The following ADAM19 variants were observed in gnomAD, a reference collection of about 807,000 sequenced individuals.
ADAM19 encodes the protein ADAM metallopeptidase domain 19, also known as disintegrin and metalloproteinase domain-containing protein 19.
Under a neutral mutation model 114.7 loss-of-function variants are expected in ADAM19, and 65 were observed. The observed-to-expected ratio is 0.57, with a 90% CI of 0.46 to 0.70. The LOEUF is 0.70. Among genes scored for constraint, ADAM19 ranks in the 30% least tolerant of loss-of-function variants. The probability of loss-of-function intolerance (pLI) is 0.00; values close to 1 mark genes in which losing one functional copy is unlikely to be tolerated. For missense variants in ADAM19, 1,063 were observed against 1,204.7 expected, an observed-to-expected ratio of 0.88 and a Z score of 1.74; for synonymous variants, 466 against 460.5, an observed-to-expected ratio of 1.01 and a Z score of -0.15.
chr5:157,549,271 TA>T (rs1286683658), intron 3 of ADAM19, among the ~76,000 whole-genome samples: 1 of 152,124 alleles, frequency 6.6e-6, no homozygotes, highest in Non-Finnish European at 1.5e-5. Context: ...ATGGGAGAAT[TA>T]AAATATTGAG....
intron 10 of ADAM19, 89 bp from the exon 11 acceptor site, chr5:157,505,897 A>G: frequency 1.4e-6 from 2 of 1,449,120 alleles, no homozygotes; most frequent in East Asian, 2.5e-5. Context: ...CAAGTCTTGC[A>G]GGTCTCCACC....
Position 157,477,686 on chromosome 5 carries a change from T to G in ADAM19, c.*3263A>C, listed in dbSNP as rs1321623542. 1 of 1,289,682 alleles carries G rather than the reference T, an allele frequency of 7.8e-7. No homozygotes were observed. The highest frequency in any genetic ancestry group is 2.3e-5 in the Admixed American group (1 of 43,540). 79.9% of individuals were successfully genotyped at this position (1,289,682 alleles called of 1,614,324 possible). Reference sequence around the variant, plus strand: ...TTATACACGTGGTTAACACAATTACTGACTTTGGAACTGGTCCCCAGTTTT... The same window carrying G: ...TTATACACGTGGTTAACACAATTACGGACTTTGGAACTGGTCCCCAGTTTT... On this transcript the variant is annotated 3_prime_UTR_variant, in exon 23 of 23. Coordinates refer to ENST00000257527, the MANE Select transcript of ADAM19 (RefSeq NM_033274.5).
chr5:157,481,425 T>C, intron 22 of ADAM19: 1 of 655,452 alleles, frequency 1.5e-6, no homozygotes, highest in Non-Finnish European at 2.6e-6. Context: ...AGGTGGCTTC[T>C]ACTAATGCAC....
At chr5:157,536,350 G>A (rs185941200) in intron 4 of ADAM19, among the ~76,000 whole-genome samples, 358 of 152,074 alleles carry the variant, frequency 2.4e-3, no homozygotes, top group African/African-American at 6.6e-3. Context: ...AAAATTAGCC[G>A]GGCGCAGTGG....
At chr5:157,538,048 G>T in intron 3 of ADAM19, 57 bp from the exon 4 acceptor site, 1 of 1,392,978 alleles carries the variant, frequency 7.2e-7, no homozygotes. Flanking sequence ...CACCCTCCTA[G>T]CAACAACGAG....
intron 21 of ADAM19, among the ~76,000 whole-genome samples, chr5:157,486,801 A>C (rs1226109379): frequency 6.6e-6 from 1 of 152,142 alleles, no homozygotes; most frequent in Non-Finnish European, 1.5e-5. Flanking sequence ...ATTTAAAAAA[A>C]AAAAATCATA....
intron 3 of ADAM19, among the ~76,000 whole-genome samples, chr5:157,556,209 C>CTTTTTTTTTTTTT (rs68078503): frequency 1.5e-5 from 1 of 66,328 alleles, no homozygotes; most frequent in Admixed American, 2.4e-4. Flanking sequence ...TTTTCTTTTT[C>CTTTTTTTTTTTTT]TTTTTTTTTT....
At chr5:157,531,830 T>C (rs532901770) in intron 4 of ADAM19, among the ~76,000 whole-genome samples, 1 of 151,966 alleles carries the variant, frequency 6.6e-6, no homozygotes, top group East Asian at 1.9e-4. Context: ...AGTGATGAAG[T>C]TGCAAGCCAA....
At chr5:157,533,803 A>G (rs1756688931) in intron 4 of ADAM19, among the ~76,000 whole-genome samples, 1 of 152,050 alleles carries the variant, frequency 6.6e-6, no homozygotes, top group Non-Finnish European at 1.5e-5. Flanking sequence ...CCCTGTCTTT[A>G]CTAAATATAC....
intron 18 of ADAM19, 59 bp downstream of exon 18, chr5:157,491,556 C>A: frequency 3.3e-6 from 4 of 1,220,460 alleles, no homozygotes; most frequent in Non-Finnish European, 1.1e-6. Context: ...ATGCCACCTG[C>A]CCCTGATGCC....
chr5:157,540,334 C>A (rs978016543), intron 3 of ADAM19, among the ~76,000 whole-genome samples: 1 of 152,208 alleles, frequency 6.6e-6, no homozygotes, highest in African/African-American at 2.4e-5. Context: ...CAGACTGCGC[C>A]ATGTACAGCT....
At chr5:157,552,181 C>T (rs1581348980) in intron 3 of ADAM19, among the ~76,000 whole-genome samples, 2 of 151,838 alleles carry the variant, frequency 1.3e-5, no homozygotes, top group Non-Finnish European at 2.9e-5. Flanking sequence ...ACAAAAAAAA[C>T]CGCAATGAGA....
intron 8 of ADAM19, among the ~76,000 whole-genome samples, chr5:157,511,799 G>T (rs1027521813): frequency 3.3e-5 from 5 of 152,174 alleles, no homozygotes; most frequent in South Asian, 2.1e-4. Context: ...TCCCTTACCC[G>T]CCAGGAGTGA....
chr5:157,535,422 G>A (rs1756735333), intron 4 of ADAM19, among the ~76,000 whole-genome samples: 1 of 152,228 alleles, frequency 6.6e-6, no homozygotes, highest in Admixed American at 6.5e-5. Context: ...AAGGGCAGCT[G>A]AGTAGTTTAT....
intron 5 of ADAM19, among the ~76,000 whole-genome samples, chr5:157,521,218 G>A (rs1581324761): frequency 6.6e-6 from 1 of 152,178 alleles, no homozygotes; most frequent in African/African-American, 2.4e-5. Context: ...TGAAGGCCCA[G>A]GCAGCAGATA....
rs143797922 is a variant in ADAM19, at chr5:157,478,836, C to T, written c.*2113G>A. On this transcript the variant is annotated 3_prime_UTR_variant, in exon 23 of 23. Transcript: ENST00000257527. ...CTGGTGTGGTTCCAGGGAGGGTGGA[C>T]TGCAGGTTCAGATGGCTCATGCAGT... The T allele has an allele frequency of 7.8e-5, 77 of 985,820 alleles. 1 individual carries two copies. In the African/African-American group the frequency reaches 1.2e-3, roughly 15 times the overall value. 61.1% of individuals were successfully genotyped at this position (985,820 alleles called of 1,614,324 possible).
In ADAM19 at chr5:157,572,109, G is replaced by A. The variant is rs187028038; in HGVS notation, c.95-1129C>T. On this transcript the variant is annotated intron_variant, in intron 1 of 22. Transcript: ENST00000257527. ...TCCTGTTTTTTTTTTCTTTTGAGAC[G>A]GAGTCTCGCTTTGTCGCCCAGGCTG... 2.5e-4 allele frequency among the ~76,000 whole-genome samples: 38 copies of A among 151,684 alleles called. 1 individual carries two copies. In the East Asian group the frequency reaches 2.7e-3, roughly 11 times the overall value.
intron 7 of ADAM19, among the ~76,000 whole-genome samples, chr5:157,516,661 T>G (rs564836341): frequency 6.6e-6 from 1 of 152,292 alleles, no homozygotes; most frequent in African/African-American, 2.4e-5. Flanking sequence ...AACCAAAGGA[T>G]TCTGTAGCTG....
chr5:157,562,101 A>G (rs560345331), intron 3 of ADAM19, among the ~76,000 whole-genome samples: 1 of 152,236 alleles, frequency 6.6e-6, no homozygotes, highest in Admixed American at 6.5e-5. Flanking sequence ...TTGAATCCGG[A>G]CTCGCACGCA....
Sources: allele counts gnomAD v4.1 joint callset (sites outside exome capture counted in the v4.1 genomes callset), GRCh38; gene constraint gnomAD v4.1.1; transcripts MANE v1.5; gene names NCBI Gene and HGNC (gene_info 2026-07-23, HGNC 2026-07-21).